Variants in CACHD1 observed in about 807,000 individuals in gnomAD.
CACHD1 encodes the protein cache domain containing 1.
In CACHD1, 71 loss-of-function variants were observed where a neutral mutation model predicts 138.7. The observed-to-expected ratio is 0.51, with a 90% CI of 0.42 to 0.62. The LOEUF (loss-of-function observed/expected upper bound fraction) is 0.62, where lower values mean the gene tolerates loss of function less well. Among genes scored for constraint, CACHD1 ranks in the 20% least tolerant of loss-of-function variants. The pLI is 0.00. For synonymous variants in CACHD1, 578 were observed against 591.5 expected (o/e 0.98, Z 0.33); for missense variants, 1,389 against 1,625.3 (o/e 0.85, Z 2.50).
intron 13 of CACHD1, among the ~76,000 whole-genome samples, chr1:64,659,945 A>G (rs947779553): frequency 1.3e-5 from 2 of 152,168 alleles, no homozygotes; most frequent in African/African-American, 4.8e-5. Flanking sequence ...CTGCCTGGAC[A>G]TGAGATCAGA....
intron 4 of CACHD1, among the ~76,000 whole-genome samples, chr1:64,619,355 A>T (rs898774346): frequency 3.3e-5 from 5 of 152,192 alleles, no homozygotes; most frequent in Admixed American, 1.3e-4. Context: ...GCTGAAGAAA[A>T]ATAAGCCAAT....
intron 3 of CACHD1, among the ~76,000 whole-genome samples, chr1:64,591,197 C>T (rs1308711730): frequency 1.3e-5 from 2 of 152,156 alleles, no homozygotes; most frequent in Non-Finnish European, 2.9e-5. Context: ...TTAAATCACT[C>T]ACTCATCCAT....
chr1:64,566,699 CTT>C (rs1394444967), intron 2 of CACHD1, among the ~76,000 whole-genome samples: 1 of 142,168 alleles, frequency 7.0e-6, no homozygotes. Flanking sequence ...TGGTCTATCA[CTT>C]TTTTTTTTTT....
intron 1 of CACHD1, among the ~76,000 whole-genome samples, chr1:64,539,547 A>C (rs1282745505): frequency 6.6e-6 from 1 of 152,178 alleles, no homozygotes; most frequent in Non-Finnish European, 1.5e-5. Context: ...GAACTTTTTC[A>C]GGCAAGAAAC....
intron 4 of CACHD1, among the ~76,000 whole-genome samples, chr1:64,604,237 T>A (rs1389970269): frequency 6.6e-6 from 1 of 152,234 alleles, no homozygotes; most frequent in African/African-American, 2.4e-5. Flanking sequence ...AGCTGCTAGA[T>A]AAATGATCCA....
intron 10 of CACHD1, among the ~76,000 whole-genome samples, chr1:64,653,452 C>T (rs1570454744): frequency 6.9e-6 from 1 of 145,524 alleles, no homozygotes; most frequent in Non-Finnish European, 1.5e-5. Flanking sequence ...AAATTGTTAT[C>T]TTAGATTTAT....
intron 7 of CACHD1, among the ~76,000 whole-genome samples, chr1:64,636,875 AGTTACAG>A (rs1193972327): frequency 2.0e-5 from 3 of 152,184 alleles, no homozygotes; most frequent in Non-Finnish European, 4.4e-5. Flanking sequence ...CTTAGAAGCA[AGTTACAG>A]GTTATGTCCC....
At chr1:64,533,961 G>C (rs924551337) in intron 1 of CACHD1, among the ~76,000 whole-genome samples, 2 of 151,474 alleles carry the variant, frequency 1.3e-5, no homozygotes, top group Admixed American at 6.6e-5. Flanking sequence ...CACAGTGTTA[G>C]CCAGGATGGT....
intron 4 of CACHD1, among the ~76,000 whole-genome samples, chr1:64,610,537 T>C (rs1647493041): frequency 6.6e-6 from 1 of 152,176 alleles, no homozygotes; most frequent in Non-Finnish European, 1.5e-5. Context: ...AAGAGGGCAG[T>C]CATTAAACTT....
intron 1 of CACHD1, among the ~76,000 whole-genome samples, chr1:64,478,489 T>C (rs1646189677): frequency 6.6e-6 from 1 of 152,126 alleles, no homozygotes; most frequent in Non-Finnish European, 1.5e-5. Context: ...AGAGGCAGAT[T>C]GAAGAGGAAG....
intron 4 of CACHD1, among the ~76,000 whole-genome samples, chr1:64,608,397 G>A (rs1647406732): frequency 6.6e-6 from 1 of 152,150 alleles, no homozygotes; most frequent in South Asian, 2.1e-4. Flanking sequence ...TCACATGTCT[G>A]ATATTTACAT....
rs117454601 is a variant in CACHD1, at chr1:64,589,083, T to C, written c.410+6779T>C. On this transcript the variant is annotated intron_variant, in intron 3 of 26. Transcript: ENST00000651257. ...CTGGAAGACTTCAGCTGAATAGATA[T>C]TCTCTCAGGGGAAACTTAAAAAGCT... 4.1e-4 allele frequency among the ~76,000 whole-genome samples: 63 copies of C among 152,316 alleles called. No homozygotes were observed. In the East Asian group the frequency reaches 0.012, roughly 29 times the overall value.
chr1:64,490,309 C>G (rs1646267958), intron 1 of CACHD1, among the ~76,000 whole-genome samples: 1 of 152,164 alleles, frequency 6.6e-6, no homozygotes, highest in Admixed American at 6.5e-5. Context: ...AGATGGAGGG[C>G]TGTTTGATCC....
chr1:64,576,602 G>A (rs1045365290), intron 2 of CACHD1, among the ~76,000 whole-genome samples: 6 of 152,152 alleles, frequency 3.9e-5, no homozygotes, highest in Non-Finnish European at 8.8e-5. Flanking sequence ...AGGCAGTGAG[G>A]TGGAGGGAGG....
At chr1:64,671,232 T>C (rs1649802949) in intron 16 of CACHD1, among the ~76,000 whole-genome samples, 1 of 152,134 alleles carries the variant, frequency 6.6e-6, no homozygotes, top group African/African-American at 2.4e-5. Context: ...GAAGTAACTG[T>C]AGTAGTCATG....
chr1:64,575,057 A>G (rs189169296), intron 2 of CACHD1, among the ~76,000 whole-genome samples: 12 of 152,284 alleles, frequency 7.9e-5, no homozygotes, highest in Admixed American at 5.2e-4. Context: ...AGACCCCACA[A>G]TATTTCCCCA....
At chr1:64,473,959 G>A (rs575148878) in intron 1 of CACHD1, among the ~76,000 whole-genome samples, 18 of 152,258 alleles carry the variant, frequency 1.2e-4, no homozygotes, top group African/African-American at 2.9e-4. Context: ...CGTAGTTTTC[G>A]CACTTGCTGA....
At chr1:64,485,079 T>C (rs1448145780) in intron 1 of CACHD1, among the ~76,000 whole-genome samples, 2 of 152,248 alleles carry the variant, frequency 1.3e-5, no homozygotes, top group Non-Finnish European at 2.9e-5. Context: ...CATTTTACTT[T>C]CCCACCAGCA....
intron 2 of CACHD1, among the ~76,000 whole-genome samples, chr1:64,559,492 A>C (rs1206632337): frequency 2.0e-5 from 3 of 152,152 alleles, no homozygotes; most frequent in East Asian, 1.9e-4. Context: ...ACTGGGGTTT[A>C]CTTGACAGGA....
Sources: allele counts gnomAD v4.1 joint callset (sites outside exome capture counted in the v4.1 genomes callset), GRCh38; gene constraint gnomAD v4.1.1; transcripts MANE v1.5; gene names NCBI Gene and HGNC (gene_info 2026-07-23, HGNC 2026-07-21).